Variants in CCDC7 observed in about 807,000 individuals in gnomAD.
CCDC7 encodes the protein coiled-coil domain containing 7, also known as coiled-coil domain-containing protein 7.
CCDC7 carries 183 observed loss-of-function variants against 196.9 expected under a neutral mutation model. That is an observed-to-expected ratio of 0.93 (90% confidence interval 0.82 to 1.05). The LOEUF (loss-of-function observed/expected upper bound fraction) is 1.05, where lower values mean the gene tolerates loss of function less well. Ranked by LOEUF, CCDC7 falls within the 50% of genes least tolerant of loss-of-function variation. The pLI is 0.00. For missense variants in CCDC7, 1,540 were observed against 1,482.2 expected, an observed-to-expected ratio of 1.04 and a Z score of -0.64; for synonymous variants, 525 against 484.6, an observed-to-expected ratio of 1.08 and a Z score of -1.10.
intron 21 of CCDC7, among the ~76,000 whole-genome samples, chr10:32,677,228 G>A: frequency 8.5e-6 from 1 of 117,054 alleles, no homozygotes; most frequent in African/African-American, 3.2e-5. Flanking sequence ...GGTGGGGGGA[G>A]GGGGGAAGGA....
intron 20 of CCDC7, among the ~76,000 whole-genome samples, chr10:32,659,213 T>C (rs2070687351): frequency 6.6e-6 from 1 of 152,228 alleles, no homozygotes; most frequent in Non-Finnish European, 1.5e-5. Flanking sequence ...CATCATTTCA[T>C]GTTTTGTTAT....
At chr10:32,723,245 C>T (rs578257711) in intron 25 of CCDC7, among the ~76,000 whole-genome samples, 1 of 152,172 alleles carries the variant, frequency 6.6e-6, no homozygotes, top group African/African-American at 2.4e-5. Flanking sequence ...GCGTGATTAC[C>T]AGTTTTACAT....
chr10:32,704,016 G>A (rs529615499), intron 24 of CCDC7, among the ~76,000 whole-genome samples: 30 of 152,052 alleles, frequency 2.0e-4, no homozygotes, highest in Admixed American at 7.9e-4. Flanking sequence ...CTCTCAACTC[G>A]TCAAAGTCAT....
intron 28 of CCDC7, among the ~76,000 whole-genome samples, chr10:32,766,180 A>G (rs2078264158): frequency 6.6e-6 from 1 of 152,076 alleles, no homozygotes; most frequent in East Asian, 1.9e-4. Flanking sequence ...TTAGAAGTCT[A>G]GTGGAATGGG....
chr10:32,834,764 T>G (rs1385996252), intron 32 of CCDC7, 51 bp from the exon 34 acceptor site: 17 of 764,208 alleles, frequency 2.2e-5, no homozygotes, highest in Middle Eastern at 3.4e-4. Context: ...CACGGACATA[T>G]GTTACAATTT....
rs771490309 is a variant in CCDC7, at chr10:32,846,358, A to G, written c.3605-18A>G. Reference sequence around the variant, plus strand: ...TGTTTACCTTATAAAGTATTTTGAAATCTGTTTAATTCTATAGAGACTGAT... The same window carrying G: ...TGTTTACCTTATAAAGTATTTTGAAGTCTGTTTAATTCTATAGAGACTGAT... On this transcript the variant is annotated intron_variant, in intron 36 of 41. Transcript: ENST00000639629. 1.6e-5 allele frequency: 23 copies of G among 1,399,636 alleles called. No individual in the cohort carries two copies. In the South Asian group the frequency reaches 2.8e-4, roughly 17 times the overall value. 86.7% of individuals were successfully genotyped at this position (1,399,636 alleles called of 1,614,324 possible).
At chr10:32,445,010 C>T (rs3006719), upstream of CCDC7, among the ~76,000 whole-genome samples, 21,053 of 152,046 alleles carry the variant, frequency 0.14, 1,765 homozygotes, top group East Asian at 0.26. Flanking sequence ...CCCGCCATCA[C>T]GCCCGGCTAA....
chr10:32,685,007 A>G (rs1201516274), intron 21 of CCDC7, among the ~76,000 whole-genome samples: 3 of 152,088 alleles, frequency 2.0e-5, no homozygotes, highest in Non-Finnish European at 4.4e-5. Flanking sequence ...TCCAAAAGTA[A>G]AAAATATGCG....
chr10:32,633,165 C>T (rs891940950), intron 18 of CCDC7, among the ~76,000 whole-genome samples: 2 of 152,050 alleles, frequency 1.3e-5, no homozygotes, highest in African/African-American at 4.8e-5. Context: ...ACACAGGGCT[C>T]CTCAGTTTGC....
rs147093380 is a variant in CCDC7, at chr10:32,475,425, T to C, written c.796+1402T>C. Among the ~76,000 whole-genome samples the C allele has an allele frequency of 6.6e-5, 10 of 152,352 alleles. No homozygotes were observed. The East Asian group carries it at 1.2e-3, about 18-fold the overall frequency. On this transcript the variant is annotated intron_variant, in intron 8 of 41. Transcript: ENST00000639629. Reference sequence around the variant, plus strand: ...AAAGTAGAAAAGTAATTCTGGTCCCTGATGCTCCATCATGGATGAAAGCAG... The same window carrying C: ...AAAGTAGAAAAGTAATTCTGGTCCCCGATGCTCCATCATGGATGAAAGCAG...
intron 33 of CCDC7, among the ~76,000 whole-genome samples, chr10:32,835,106 A>T (rs1299738164): frequency 6.6e-6 from 1 of 152,146 alleles, no homozygotes; most frequent in East Asian, 1.9e-4. Context: ...TTACTGGTAA[A>T]GTAATCCATA....
At chr10:32,707,574 A>G (rs2080009451) in intron 24 of CCDC7, among the ~76,000 whole-genome samples, 1 of 152,198 alleles carries the variant, frequency 6.6e-6, no homozygotes, top group South Asian at 2.1e-4. Flanking sequence ...ATAAAACCCC[A>G]TCGTCTCAGC....
At chr10:32,509,933 G>A (rs993117400) in intron 9 of CCDC7, among the ~76,000 whole-genome samples, 4 of 152,178 alleles carry the variant, frequency 2.6e-5, no homozygotes, top group Non-Finnish European at 5.9e-5. Flanking sequence ...AACACTACTG[G>A]TGGGAATGTA....
At chr10:32,660,078 C>G (rs1448264881) in intron 20 of CCDC7, among the ~76,000 whole-genome samples, 2 of 151,932 alleles carry the variant, frequency 1.3e-5, no homozygotes, top group Non-Finnish European at 2.9e-5. Flanking sequence ...ACCTAAGGTA[C>G]AAGACAAAGT....
At chr10:32,876,362 C>T (rs1176275447) in exon 42 of CCDC7, 3 of 1,610,424 alleles carry the variant, frequency 1.9e-6, no homozygotes, top group East Asian at 2.2e-5. Context: ...CATGCTGCTG[C>T]CCGAAAATCT....
rs377194133 is a variant in CCDC7, at chr10:32,685,955, A to G, written c.2123-15A>G. The G allele has an allele frequency of 2.8e-6, 4 of 1,438,338 alleles. No individual in the cohort carries two copies. In the African/African-American group the frequency reaches 4.3e-5, roughly 16 times the overall value. 89.1% of individuals were successfully genotyped at this position (1,438,338 alleles called of 1,614,324 possible). A position where few individuals can be genotyped will look rare whatever the true frequency, so the allele number is the denominator to read the frequency against. ...TTTTTCTATTTAGTGGAATAAATGT[A>G]TTTTCTTTATGTAGCTCATAATGAA... On this transcript the variant is annotated splice_polypyrimidine_tract_variant and intron_variant, in intron 21 of 41. Transcript: ENST00000639629.
intron 28 of CCDC7, among the ~76,000 whole-genome samples, chr10:32,776,187 C>T (rs1194648910): frequency 2.7e-5 from 4 of 148,794 alleles, no homozygotes; most frequent in South Asian, 2.2e-4. Context: ...TGCTAGATGA[C>T]GAGTTAGTGG....
intron 8 of CCDC7, among the ~76,000 whole-genome samples, chr10:32,486,989 G>A (rs971582445): frequency 1.3e-5 from 2 of 151,954 alleles, no homozygotes; most frequent in African/African-American, 4.8e-5. Flanking sequence ...CTGTTCTCGA[G>A]GAATGTCTTT....
chr10:32,500,916 C>T (rs1205903264), intron 9 of CCDC7, among the ~76,000 whole-genome samples: 4 of 152,170 alleles, frequency 2.6e-5, no homozygotes, highest in African/African-American at 9.7e-5. Flanking sequence ...CGTGGCGGCG[C>T]GTGCCTGCAA....
Sources: gnomAD v4.1 joint callset for allele counts (sites outside exome capture counted in the v4.1 genomes callset) on GRCh38, gnomAD v4.1.1 for gene constraint, MANE v1.5 for transcripts, NCBI Gene and HGNC (gene_info 2026-07-23, HGNC 2026-07-21) for gene names.